SPRED3: variants seen among roughly 807,000 people sequenced by gnomAD.
SPRED3 encodes sprouty related EVH1 domain containing 3.
In SPRED3, 23 loss-of-function variants were observed where a neutral mutation model predicts 37.6. That is an observed-to-expected ratio of 0.61 (90% CI 0.44 to 0.87). The LOEUF (loss-of-function observed/expected upper bound fraction) is 0.87. SPRED3 is among the 40% of genes least tolerant of loss of function. SPRED3 has a pLI of 0.00. For synonymous variants in SPRED3, 302 were observed against 279.6 expected (o/e 1.08, Z -0.80); for missense variants, 584 against 618.6 (o/e 0.94, Z 0.59).
intron 4 of SPRED3, 148 bp downstream of exon 4, chr19:38,392,436 C>T (rs546321575): frequency 1.2e-6 from 1 of 849,958 alleles, no homozygotes; most frequent in East Asian, 2.7e-5. Context: ...TCAATTCAAT[C>T]CCAGTTATTC....
chr19:38,395,898 T>C lies in SPRED3; in HGVS notation c.986T>C (p.Leu329Pro). The change falls in exon 6 of 6, where the codon CTA (leucine) becomes CCA (proline). Residue 329 changes from leucine to proline, a missense_variant. Leu to Pro is a moderately conservative substitution (Grantham distance 98). This residue lies in a region of SPRED3 where 67 missense variants were observed against 57.4 expected (regional missense o/e 1.17). Coordinates refer to ENST00000691638, the MANE Select transcript of SPRED3 (RefSeq NM_001394336.1). The surrounding 1 kb of genome is among the most constrained non-coding windows in gnomAD (Gnocchi z 5.2). The stretch of plus-strand genomic sequence containing the variant: ...CCGGGTCGCCTCCTGGTGCGCCGTC[T>C]AAGCTGCCTGTGGTGCGCCGAGAGC... ...PDPGRLLVRR[L>P]SCLWCAESLL... 6.6e-7 allele frequency: 1 copy of C among 1,506,934 alleles called. No individual in the cohort carries two copies. The highest frequency in any genetic ancestry group is 8.8e-7 in the Non-Finnish European group (1 of 1,136,574). The allele number at this position is 1,506,934 out of a possible 1,614,324, so 93.3% of individuals were successfully genotyped here.
rs2145164840 is a variant in SPRED3 at position 38,397,669 on chromosome 19, C to T, written c.*1524C>T. 6.6e-6 allele frequency: 1 copy of T among 152,302 alleles called. No homozygotes were observed. Among genetic ancestry groups the T allele is most frequent in the South Asian group, 2.1e-4 (1 of 4,812 alleles). 9.4% of individuals were successfully genotyped at this position (152,302 alleles called of 1,614,324 possible). A position where few individuals can be genotyped will look rare whatever the true frequency, so the allele number is the denominator to read the frequency against. ...CATAGGCCCCTAAAACCCCAAGGTT[C>T]CAGCCTCTGGAATTCTGGTCCCAAG... On this transcript the variant is annotated 3_prime_UTR_variant, in exon 6 of 6. Coordinates refer to ENST00000691638, the MANE Select transcript of SPRED3 (RefSeq NM_001394336.1).
At chr19:38,394,154 A>AG (rs1970864452) in intron 4 of SPRED3, among the ~76,000 whole-genome samples, 1 of 152,220 alleles carries the variant, frequency 6.6e-6, no homozygotes, top group South Asian at 2.1e-4. Flanking sequence ...TTCAGAACAG[A>AG]GGCTGGTTTG....
intron 2 of SPRED3, among the ~76,000 whole-genome samples, chr19:38,390,915 G>T (rs1022732057): frequency 2.0e-5 from 3 of 152,140 alleles, no homozygotes; most frequent in African/African-American, 7.2e-5. Context: ...ATTTGAAAGT[G>T]TCAGAGATGG....
rs1184659165 is a variant in SPRED3 at position 38,395,675 on chromosome 19, C to T, written c.763C>T (p.Pro255Ser). 1 of 1,501,190 alleles carries T rather than the reference C, an allele frequency of 6.7e-7. No individual in the cohort carries two copies. Among genetic ancestry groups the T allele is most frequent in the Non-Finnish European group, 8.8e-7 (1 of 1,137,020 alleles). 93.0% of individuals were successfully genotyped at this position (1,501,190 alleles called of 1,614,324 possible). ...GALRGAALGP[P>S]AALPAPLTEA... is the part of the protein sequence containing the mutation. The stretch of plus-strand genomic sequence containing the variant: ...GTTGAGGGGCGCTGCCCTGGGTCCC[C>T]CAGCGGCACTACCTGCCCCTTTGAC... Residue 255 changes from proline (P) to serine (S), a missense_variant, in exon 6 of 6, where the codon CCA becomes TCA. Physicochemically the swap from Pro to Ser is moderately conservative, Grantham distance 74 (BLOSUM62 -1). Coordinates refer to ENST00000691638, the MANE Select transcript of SPRED3 (RefSeq NM_001394336.1). This position sits in a 1 kb window ranked among gnomAD's most constrained non-coding sequence, Gnocchi z 5.2.
At position 38,395,670 on chromosome 19, in the gene SPRED3, GT is replaced by G; in HGVS notation, c.759del (p.Pro255GlnfsTer8). 1 of 1,505,934 alleles carries G rather than the reference GT, an allele frequency of 6.6e-7. No individual in the cohort carries two copies. Among genetic ancestry groups the G allele is most frequent in the Non-Finnish European group, 8.8e-7 (1 of 1,139,206 alleles). The allele number at this position is 1,505,934 out of a possible 1,614,324, so 93.3% of individuals were successfully genotyped here. A position where few individuals can be genotyped will look rare whatever the true frequency, so the allele number is the denominator to read the frequency against. On this transcript the variant is annotated frameshift_variant, in exon 6 of 6. Coordinates refer to ENST00000691638, the MANE Select transcript of SPRED3 (RefSeq NM_001394336.1). LOFTEE classifies it high-confidence loss of function. The surrounding 1 kb of genome is among the most constrained non-coding windows in gnomAD (Gnocchi z 5.2). Reference protein sequence around the residue: ...KTGALRGAALGPPAALPAPLT... With the variant: ...KTGALRGAALXPPAALPAPLT... ...GGCGCGTTGAGGGGCGCTGCCCTGG[GT>G]CCCCCAGCGGCACTACCTGCCCCTT...
At position 38,390,371 on chromosome 19, in the gene SPRED3, C is replaced by G. The variant is rs894350313; in HGVS notation, c.69C>G (p.Gly23=). 2 of 1,369,598 alleles carry G rather than the reference C, an allele frequency of 1.5e-6. No individual in the cohort carries two copies. The highest frequency in any genetic ancestry group is 1.9e-6 in the Non-Finnish European group (2 of 1,054,898). The allele number at this position is 1,369,598 out of a possible 1,614,324, so 84.8% of individuals were successfully genotyped here. Residue 23 remains glycine (G), a synonymous_variant, in exon 2 of 6, where the codon GGC becomes GGG. Transcript: ENST00000691638. ...DSSGGWLPVG[G]GGLSQVSVCR... ...GTGGGGGCTGGCTGCCTGTGGGGGG[C>G]GGGGGCCTCAGCCAGGTGAGCGTGT...
rs764483638 is a variant in SPRED3 at position 38,390,411 on chromosome 19, G to T, written c.109G>T (p.Ala37Ser). 4 of 1,393,888 alleles carry T rather than the reference G, an allele frequency of 2.9e-6. No individual in the cohort carries two copies. The South Asian group carries it at 5.7e-5, about 20-fold the overall frequency. 86.3% of individuals were successfully genotyped at this position (1,393,888 alleles called of 1,614,324 possible). A position where few individuals can be genotyped will look rare whatever the true frequency, so the allele number is the denominator to read the frequency against. Residue 37 changes from alanine to serine, a missense_variant, in exon 2 of 6, where the codon GCC (alanine) becomes TCC (serine). Transcript: ENST00000691638. ...GGTGAGCGTGTGTCGGGTCCGAGGG[G>T]CCAGGCCCGAGGGGGGGGCCCGCCA... ...SQVSVCRVRGARPEGGARQGH... is the reference protein window; with the variant it reads ...SQVSVCRVRGSRPEGGARQGH...
In SPRED3 at chr19:38,394,666, C is replaced by A; in HGVS notation, c.447C>A (p.Ser149=). ...PLTSHVDSDS[S]SSHSRQETPP... is the part of the protein sequence containing the mutation. ...AGTCCCACGTGGACAGCGACTCCTC[C>A]TCCAGTCACAGCCGCCAGGAGACTC... The change falls in exon 5 of 6, where the codon TCC becomes TCA. Residue 149 remains serine, a synonymous_variant. Transcript: ENST00000691638. 6.3e-7 allele frequency: 1 copy of A among 1,598,666 alleles called. No homozygotes were observed. Among genetic ancestry groups the A allele is most frequent in the Non-Finnish European group, 8.5e-7 (1 of 1,176,364 alleles).
chr19:38,395,864 G>T lies in SPRED3; in HGVS notation c.952G>T (p.Ala318Ser), dbSNP rs1036638816. Residue 318 changes from alanine to serine, a missense_variant, in exon 6 of 6, where the codon GCC becomes TCC. Coordinates refer to ENST00000691638, the MANE Select transcript of SPRED3 (RefSeq NM_001394336.1). The surrounding 1 kb of genome is among the most constrained non-coding windows in gnomAD (Gnocchi z 5.2). ...CGGGCGTGGCGGCCGCTGCGCAGAG[G>T]CCCCGGACCCGGGTCGCCTCCTGGT... ...ADGRGGRCAE[A>S]PDPGRLLVRR... 3 of 1,488,092 alleles carry T rather than the reference G, an allele frequency of 2.0e-6. No homozygotes were observed. The highest frequency in any genetic ancestry group is 2.7e-6 in the Non-Finnish European group (3 of 1,126,972). The allele number at this position is 1,488,092 out of a possible 1,614,324, so 92.2% of individuals were successfully genotyped here.
In SPRED3 at chr19:38,394,695, C is replaced by A; in HGVS notation, c.476C>A (p.Pro159His). Reference protein sequence around the residue: ...SSSHSRQETPPSAAAAPIITM... With the variant: ...SSSHSRQETPHSAAAAPIITM... ...AGTCACAGCCGCCAGGAGACTCCTCCCAGCGCCGCTGCGGCCCCCATCATC... is the reference window on the plus strand; with the variant it reads ...AGTCACAGCCGCCAGGAGACTCCTCACAGCGCCGCTGCGGCCCCCATCATC... Residue 159 changes from proline (P) to histidine (H), a missense_variant, in exon 5 of 6, where the codon CCC becomes CAC. Pro to His is a moderately conservative substitution (Grantham distance 77). Around this residue, in one of 7 missense-constraint regions of SPRED3, gnomAD observed 310 missense variants for 281.1 expected, o/e 1.10. Coordinates refer to ENST00000691638, the MANE Select transcript of SPRED3 (RefSeq NM_001394336.1). 1 of 1,597,588 alleles carries A rather than the reference C, an allele frequency of 6.3e-7. No individual in the cohort carries two copies. The highest frequency in any genetic ancestry group is 8.5e-7 in the Non-Finnish European group (1 of 1,174,880).
At chr19:38,390,092 G>A in intron 1 of SPRED3, 1 of 411,840 alleles carries the variant, frequency 2.4e-6, no homozygotes, top group Admixed American at 4.4e-5. Flanking sequence ...AGAGGTGAGA[G>A]AGAAGAGATG....
intron 2 of SPRED3, among the ~76,000 whole-genome samples, chr19:38,390,778 G>A (rs866730280): frequency 4.5e-5 from 3 of 66,156 alleles, no homozygotes; most frequent in African/African-American, 6.1e-5. Context: ...CCCCCCCCCC[G>A]CCCCGACTCA....
rs1339925904 is a variant in SPRED3 at position 38,397,025 on chromosome 19, C to T, written c.*880C>T. 2.0e-5 allele frequency: 3 copies of T among 152,196 alleles called. No homozygotes were observed. Among genetic ancestry groups the T allele is most frequent in the African/African-American group, 7.2e-5 (3 of 41,442 alleles). The allele number at this position is 152,196 out of a possible 1,614,324, so 9.4% of individuals were successfully genotyped here. On this transcript the variant is annotated 3_prime_UTR_variant, in exon 6 of 6. Transcript: ENST00000691638. ...GCTCTGGAAGCCAGGGATCAAAGAC[C>T]TCCATAGGTCCACCCACCCCCAAGC...
chr19:38,394,301 T>C (rs1278960361), intron 4 of SPRED3: 1 of 1,434,194 alleles, frequency 7.0e-7, no homozygotes, highest in Admixed American at 1.8e-5. Flanking sequence ...GTTCCTCAGG[T>C]TTGGCGAGCT....
Position 38,395,696 on chromosome 19 carries a change from T to C in SPRED3, c.784T>C (p.Leu262=). The C allele has an allele frequency of 6.8e-7, 1 of 1,477,170 alleles. No individual in the cohort carries two copies. The highest frequency in any genetic ancestry group is 8.9e-7 in the Non-Finnish European group (1 of 1,125,420). The allele number at this position is 1,477,170 out of a possible 1,614,324, so 91.5% of individuals were successfully genotyped here. A position where few individuals can be genotyped will look rare whatever the true frequency, so the allele number is the denominator to read the frequency against. The change falls in exon 6 of 6, where the codon TTG becomes CTG. Residue 262 remains leucine (L), a synonymous_variant. Coordinates refer to ENST00000691638, the MANE Select transcript of SPRED3 (RefSeq NM_001394336.1). The surrounding 1 kb of genome is among the most constrained non-coding windows in gnomAD (Gnocchi z 5.2). ...TCCCCCAGCGGCACTACCTGCCCCT[T>C]TGACCGAGGCTGCGCCCCCAGCGCC... ...LGPPAALPAP[L]TEAAPPAPPA... is the part of the protein sequence containing the mutation.
At position 38,394,668 on chromosome 19, in the gene SPRED3, C is replaced by A; in HGVS notation, c.449C>A (p.Ser150Tyr). 6.3e-7 allele frequency: 1 copy of A among 1,598,270 alleles called. No individual in the cohort carries two copies. The highest frequency in any genetic ancestry group is 1.1e-5 in the South Asian group (1 of 89,362). The change falls in exon 5 of 6, where the codon TCC becomes TAC. Residue 150 changes from serine (S) to tyrosine (Y), a missense_variant. Ser to Tyr is a moderately radical substitution (Grantham distance 144). Around this residue, in one of 7 missense-constraint regions of SPRED3, gnomAD observed 310 missense variants for 281.1 expected, o/e 1.10. Coordinates refer to ENST00000691638, the MANE Select transcript of SPRED3 (RefSeq NM_001394336.1). ...LTSHVDSDSS[S>Y]SHSRQETPPS... is the part of the protein sequence containing the mutation. ...TCCCACGTGGACAGCGACTCCTCCT[C>A]CAGTCACAGCCGCCAGGAGACTCCT...
chr19:38,389,147 T>TA (rs987355115), intron 1 of SPRED3, among the ~76,000 whole-genome samples: 1 of 152,154 alleles, frequency 6.6e-6, no homozygotes, highest in Non-Finnish European at 1.5e-5. Flanking sequence ...AGCTAGGCCC[T>TA]GGGGGGACCC....
At position 38,395,997 on chromosome 19, in the gene SPRED3, G is replaced by C; in HGVS notation, c.1085G>C (p.Arg362Pro). Residue 362 changes from arginine to proline, a missense_variant, in exon 6 of 6, where the codon CGC becomes CCC. Arg to Pro is a moderately radical substitution (Grantham distance 103). Coordinates refer to ENST00000691638, the MANE Select transcript of SPRED3 (RefSeq NM_001394336.1). This position sits in a 1 kb window ranked among gnomAD's most constrained non-coding sequence, Gnocchi z 5.2. ...DPCACEPGHP[R>P]PAARWAALAA... ...TGCGCCTGCGAGCCGGGCCACCCGC[G>C]CCCCGCCGCGCGCTGGGCCGCGCTG... The C allele has an allele frequency of 1.4e-6, 2 of 1,424,016 alleles. No homozygotes were observed. Among genetic ancestry groups the C allele is most frequent in the Non-Finnish European group, 1.8e-6 (2 of 1,094,708 alleles). The allele number at this position is 1,424,016 out of a possible 1,614,324, so 88.2% of individuals were successfully genotyped here.
Sources: allele counts gnomAD v4.1 joint callset (sites outside exome capture counted in the v4.1 genomes callset), GRCh38; gene constraint gnomAD v4.1.1; regional missense constraint gnomAD v4.1.1; non-coding constraint Gnocchi (gnomAD v3.1); transcripts MANE v1.5; gene names NCBI Gene and HGNC (gene_info 2026-07-23, HGNC 2026-07-21).